Variants in SPIRE1 observed in about 807,000 individuals in gnomAD.
SPIRE1 encodes spire type actin nucleation factor 1, also known as protein spire homolog 1.
Under a neutral mutation model 94.1 loss-of-function variants are expected in SPIRE1, and 40 were observed. The observed-to-expected ratio is 0.43, with a 90% CI of 0.33 to 0.55. The LOEUF (loss-of-function observed/expected upper bound fraction) is 0.55. SPIRE1 is among the 20% of genes least tolerant of loss of function. The pLI is 0.06. For synonymous variants in SPIRE1, 376 were observed against 371.7 expected, an observed-to-expected ratio of 1.01 and a Z score of -0.13; for missense variants, 838 against 975.2, an observed-to-expected ratio of 0.86 and a Z score of 1.87.
intron 2 of SPIRE1, among the ~76,000 whole-genome samples, chr18:12,622,445 CAG>C (rs1345544422): frequency 2.0e-5 from 1 of 49,666 alleles, no homozygotes; most frequent in Non-Finnish European, 5.5e-5. Flanking sequence ...TTTTTTGAGA[CAG>C]AGTCTTGCTC....
At chr18:12,595,944 G>C (rs1598509224) in intron 2 of SPIRE1, among the ~76,000 whole-genome samples, 1 of 152,204 alleles carries the variant, frequency 6.6e-6, no homozygotes, top group East Asian at 1.9e-4. Flanking sequence ...GGGGATGGGG[G>C]ATTGGAAGAG....
intron 6 of SPIRE1, among the ~76,000 whole-genome samples, chr18:12,505,690 G>A (rs2143975086): frequency 6.6e-6 from 1 of 152,238 alleles, no homozygotes; most frequent in South Asian, 2.1e-4. Context: ...AGGATTTCAT[G>A]GTGGACATTT....
At chr18:12,641,052 C>T (rs545951472) in intron 1 of SPIRE1, among the ~76,000 whole-genome samples, 13 of 151,962 alleles carry the variant, frequency 8.6e-5, no homozygotes, top group Admixed American at 8.5e-4. Context: ...AGGGAGATGG[C>T]AGTAATGAGG....
At chr18:12,506,735 A>G in intron 5 of SPIRE1, 94 bp from the exon 6 acceptor site, 4 of 1,237,220 alleles carry the variant, frequency 3.2e-6, no homozygotes, top group East Asian at 2.4e-5. Flanking sequence ...AGCTTGGATT[A>G]CAAAACAATG....
chr18:12,616,715 G>A (rs1164144173), intron 2 of SPIRE1, among the ~76,000 whole-genome samples: 4 of 152,182 alleles, frequency 2.6e-5, no homozygotes, highest in Non-Finnish European at 5.9e-5. Flanking sequence ...ATTACAGGAA[G>A]AAGAGAGAAA....
rs2038035044 is a variant in SPIRE1 at position 12,639,827 on chromosome 18, C to T, written c.338-4731G>A. ...AGGCAGGCAATGAGCTGAGATGGTA[C>T]CACTGCACTCCAGCCTGGGCAACAG... On this transcript the variant is annotated intron_variant, in intron 1 of 16. Coordinates refer to ENST00000409402, the MANE Select transcript of SPIRE1 (RefSeq NM_001128626.2). Among the ~76,000 whole-genome samples the T allele has an allele frequency of 2.6e-5, 4 of 151,414 alleles. No homozygotes were observed. The South Asian group carries it at 8.4e-4, about 32-fold the overall frequency.
chr18:12,528,095 A>G (rs2034578430), intron 4 of SPIRE1, among the ~76,000 whole-genome samples: 2 of 151,694 alleles, frequency 1.3e-5, no homozygotes, highest in Non-Finnish European at 2.9e-5. Flanking sequence ...GAAGACTCCA[A>G]CTCTAATATT....
At chr18:12,546,231 C>T (rs534150231) in intron 3 of SPIRE1, among the ~76,000 whole-genome samples, 4 of 152,218 alleles carry the variant, frequency 2.6e-5, no homozygotes, top group African/African-American at 4.8e-5. Flanking sequence ...CCTCGTGATC[C>T]GCCTGCCTCG....
intron 2 of SPIRE1, among the ~76,000 whole-genome samples, chr18:12,627,298 G>A (rs113552503): frequency 0.014 from 2,184 of 151,552 alleles, 59 homozygotes; most frequent in African/African-American, 0.05. Context: ...ACCTATGAGT[G>A]AGAACATGTG....
chr18:12,659,245 T>G (rs1236572488), upstream of SPIRE1, among the ~76,000 whole-genome samples: 1 of 147,056 alleles, frequency 6.8e-6, no homozygotes, highest in Non-Finnish European at 1.5e-5. Flanking sequence ...TCTCAACAAT[T>G]GCATCTTGCG....
In SPIRE1 at chr18:12,449,528, G is replaced by T; in HGVS notation, c.*110C>A. The T allele has an allele frequency of 8.8e-7, 1 of 1,136,388 alleles. No individual in the cohort carries two copies. The highest frequency in any genetic ancestry group is 1.2e-6 in the Non-Finnish European group (1 of 809,864). 70.4% of individuals were successfully genotyped at this position (1,136,388 alleles called of 1,614,324 possible). A position where few individuals can be genotyped will look rare whatever the true frequency, so the allele number is the denominator to read the frequency against. On this transcript the variant is annotated 3_prime_UTR_variant, in exon 17 of 17. Coordinates refer to ENST00000409402, the MANE Select transcript of SPIRE1 (RefSeq NM_001128626.2). ...TGATGCGGCAAAAATCTGATCTAATGCAAATTCAAGCCCATTAAATAAAAC... is the reference window on the plus strand; with the variant it reads ...TGATGCGGCAAAAATCTGATCTAATTCAAATTCAAGCCCATTAAATAAAAC...
At chr18:12,607,335 T>C (rs2037008041) in intron 2 of SPIRE1, among the ~76,000 whole-genome samples, 1 of 152,198 alleles carries the variant, frequency 6.6e-6, no homozygotes, top group Admixed American at 6.5e-5. Context: ...GATTCTCTCC[T>C]AGCTAAAAAT....
At chr18:12,578,001 G>A (rs1361908345) in intron 2 of SPIRE1, among the ~76,000 whole-genome samples, 2 of 152,150 alleles carry the variant, frequency 1.3e-5, no homozygotes, top group Non-Finnish European at 2.9e-5. Flanking sequence ...ATTACAATGA[G>A]TTACCATTTT....
chr18:12,481,573 G>A (rs1055822157), intron 9 of SPIRE1, among the ~76,000 whole-genome samples: 27 of 151,940 alleles, frequency 1.8e-4, no homozygotes, highest in African/African-American at 6.5e-4. Flanking sequence ...GAGGAAGAAA[G>A]GAAAGAAGGA....
chr18:12,511,931 A>G (rs1346019391), intron 5 of SPIRE1, among the ~76,000 whole-genome samples: 1 of 151,994 alleles, frequency 6.6e-6, no homozygotes, highest in Non-Finnish European at 1.5e-5. Flanking sequence ...AAATCCTCCT[A>G]TTTTAGTGAT....
At chr18:12,575,212 G>A (rs979084051) in intron 2 of SPIRE1, among the ~76,000 whole-genome samples, 1 of 151,830 alleles carries the variant, frequency 6.6e-6, no homozygotes, top group Admixed American at 6.6e-5. Context: ...TACTGACAGT[G>A]ATACAGCAAT....
chr18:12,654,634 G>A (rs1185154190), intron 1 of SPIRE1, among the ~76,000 whole-genome samples: 9 of 151,238 alleles, frequency 6.0e-5, no homozygotes, highest in Non-Finnish European at 1.2e-4. Context: ...CAGCCTGGGC[G>A]ACTGAGCGAG....
intron 1 of SPIRE1, among the ~76,000 whole-genome samples, chr18:12,644,099 T>A (rs1219146469): frequency 6.8e-6 from 1 of 146,554 alleles, no homozygotes; most frequent in Non-Finnish European, 1.5e-5. Context: ...CTTGGGAGGC[T>A]GAGGAGGGAG....
Position 12,657,767 on chromosome 18 carries a change from CG to C in SPIRE1, c.99del (p.Gly35AlafsTer6). Reference protein sequence around the residue: ...PREPGAAGGAAGGSRDALSLE... With the variant: ...PREPGAAGGAXGGSRDALSLE... ...AGGCTCAGCGCGTCCCGGGAGCCCC[CG>C]GCCGCGCCGCCGGCTGCCCCGGGCT... On this transcript the variant is annotated frameshift_variant, in exon 1 of 17. Transcript: ENST00000409402. LOFTEE classifies it high-confidence loss of function. 7.5e-7 allele frequency: 1 copy of C among 1,335,108 alleles called. No individual in the cohort carries two copies. The highest frequency in any genetic ancestry group is 9.7e-7 in the Non-Finnish European group (1 of 1,035,944). The allele number at this position is 1,335,108 out of a possible 1,614,324, so 82.7% of individuals were successfully genotyped here. A position where few individuals can be genotyped will look rare whatever the true frequency, so the allele number is the denominator to read the frequency against.
Sources: gnomAD v4.1 joint callset for allele counts (sites outside exome capture counted in the v4.1 genomes callset) on GRCh38, gnomAD v4.1.1 for gene constraint, MANE v1.5 for transcripts, NCBI Gene and HGNC (gene_info 2026-07-23, HGNC 2026-07-21) for gene names.